Variants in ASB7 observed in about 807,000 individuals in gnomAD.
ASB7 encodes the protein ankyrin repeat and SOCS box protein 7.
A neutral mutation model predicts 32.5 loss-of-function variants in ASB7; 4 were observed. The observed-to-expected ratio is 0.12, with a 90% CI of 0.06 to 0.28. The LOEUF (loss-of-function observed/expected upper bound fraction) is 0.28, where lower values mean the gene tolerates loss of function less well. Ranked by LOEUF, ASB7 falls within the 10% of genes least tolerant of loss-of-function variation. ASB7 has a pLI of 1.00. For synonymous variants in ASB7, 172 were observed against 155.6 expected, an observed-to-expected ratio of 1.11 and a Z score of -0.78; for missense variants, 181 against 407.1, an observed-to-expected ratio of 0.44 and a Z score of 4.78.
At chr15:100,642,727 C>G (rs150335646) in intron 5 of ASB7, among the ~76,000 whole-genome samples, 1 of 152,246 alleles carries the variant, frequency 6.6e-6, no homozygotes, top group Admixed American at 6.5e-5. Flanking sequence ...ACTGGGGCCT[C>G]TCTGCTTTGA....
chr15:100,634,731 G>GAGGC (rs1237235467), intron 5 of ASB7, among the ~76,000 whole-genome samples: 1 of 152,162 alleles, frequency 6.6e-6, no homozygotes, highest in Non-Finnish European at 1.5e-5. Flanking sequence ...TTGAACCCGG[G>GAGGC]AGGCTGCAGT....
intron 5 of ASB7, among the ~76,000 whole-genome samples, chr15:100,630,555 A>T (rs2039875808): frequency 6.6e-6 from 1 of 152,196 alleles, no homozygotes; most frequent in Admixed American, 6.5e-5. Context: ...GTATTTAGGG[A>T]TACCACTCGT....
chr15:100,612,452 T>A, intron 4 of ASB7, 25 bp downstream of exon 4: 1 of 1,559,072 alleles, frequency 6.4e-7, no homozygotes, highest in East Asian at 2.2e-5. Flanking sequence ...AGCAAATCTT[T>A]TTCCCCATGG....
At chr15:100,648,243 A>G in intron 5 of ASB7, 80 bp from the exon 6 acceptor site, 2 of 1,402,274 alleles carry the variant, frequency 1.4e-6, no homozygotes, top group Non-Finnish European at 1.9e-6. Context: ...ACTTCCAGGG[A>G]AATGAACAGT....
At position 100,629,940 on chromosome 15, in the gene ASB7, G is replaced by A. The variant is rs762483895; in HGVS notation, c.715G>A (p.Asp239Asn). The part of the protein sequence containing the change: ...CARMLYNYGA[D>N]TNTRNYEGQT... ...ACGGATGTTATATAATTACGGAGCA[G>A]ACACGAACACACGGAACTATGAAGG... is the stretch of plus-strand genomic sequence containing the variant. The change falls in exon 5 of 6, where the codon GAC becomes AAC. Residue 239 changes from aspartate to asparagine, a missense_variant. Transcript: ENST00000332783. This position sits in a 1 kb window ranked among gnomAD's most constrained non-coding sequence, Gnocchi z 6.8. 1.1e-5 allele frequency: 17 copies of A among 1,614,066 alleles called. No homozygotes were observed. Among genetic ancestry groups the A allele is most frequent in the Non-Finnish European group, 1.4e-5 (17 of 1,180,056 alleles).
At chr15:100,623,161 G>A (rs987224203) in intron 4 of ASB7, among the ~76,000 whole-genome samples, 22 of 152,204 alleles carry the variant, frequency 1.4e-4, no homozygotes, top group Non-Finnish European at 2.9e-5. Flanking sequence ...CACTTTGGGA[G>A]GCTGAGGTGG....
At chr15:100,631,415 G>C (rs2039882750) in intron 5 of ASB7, among the ~76,000 whole-genome samples, 2 of 152,322 alleles carry the variant, frequency 1.3e-5, no homozygotes, top group South Asian at 4.1e-4. Flanking sequence ...GGGCTGACTG[G>C]TGGGTGTTCC....
At chr15:100,635,162 A>G (rs905542103) in intron 5 of ASB7, among the ~76,000 whole-genome samples, 1 of 152,198 alleles carries the variant, frequency 6.6e-6, no homozygotes, top group African/African-American at 2.4e-5. Flanking sequence ...CCCTTTGCCA[A>G]TGACACCCAC....
intron 5 of ASB7, among the ~76,000 whole-genome samples, chr15:100,632,856 CAA>C (rs779025596): frequency 3.1e-5 from 2 of 64,168 alleles, no homozygotes; most frequent in African/African-American, 6.7e-5. Context: ...CTATATAGTG[CAA>C]AAAAAAAAAA....
intron 5 of ASB7, among the ~76,000 whole-genome samples, chr15:100,645,232 T>C (rs2039989492): frequency 1.3e-5 from 2 of 152,322 alleles, no homozygotes; most frequent in Admixed American, 6.5e-5. Context: ...GTTTCTGTTT[T>C]ATAAACACGA....
chr15:100,641,417 C>T (rs905339576), intron 5 of ASB7, among the ~76,000 whole-genome samples: 2 of 152,178 alleles, frequency 1.3e-5, no homozygotes, highest in African/African-American at 4.8e-5. Context: ...CATAAGCAGT[C>T]CTTATTATGC....
At chr15:100,634,194 C>T (rs2141402753) in intron 5 of ASB7, among the ~76,000 whole-genome samples, 1 of 152,286 alleles carries the variant, frequency 6.6e-6, no homozygotes, top group South Asian at 2.1e-4. Context: ...ACAGGGTAAA[C>T]TCCCATAGTC....
At chr15:100,620,032 A>G (rs950114832) in intron 4 of ASB7, among the ~76,000 whole-genome samples, 3 of 152,202 alleles carry the variant, frequency 2.0e-5, no homozygotes, top group African/African-American at 4.8e-5. Flanking sequence ...CATGTTTTAA[A>G]TGGTTGCATG....
intron 5 of ASB7, 106 bp downstream of exon 5, chr15:100,630,148 A>G (rs1204812671): frequency 8.6e-6 from 12 of 1,399,188 alleles, no homozygotes; most frequent in Non-Finnish European, 7.4e-6. Flanking sequence ...AATCATTCCT[A>G]TAACCACTGC....
intron 2 of ASB7, among the ~76,000 whole-genome samples, chr15:100,605,875 T>C (rs1341868314): frequency 6.6e-6 from 1 of 152,258 alleles, no homozygotes. Context: ...ATGAAAATTA[T>C]TGGTTTCTCT....
At chr15:100,617,083 G>C (rs921632340) in intron 4 of ASB7, among the ~76,000 whole-genome samples, 1 of 152,016 alleles carries the variant, frequency 6.6e-6, no homozygotes, top group African/African-American at 2.4e-5. Context: ...TATTGATTCT[G>C]CCTCCTAAAA....
At chr15:100,618,329 G>A (rs1457468685) in intron 4 of ASB7, among the ~76,000 whole-genome samples, 1 of 151,854 alleles carries the variant, frequency 6.6e-6, no homozygotes, top group Non-Finnish European at 1.5e-5. Context: ...TGGCTAGGCT[G>A]GTCCCGAACT....
intron 5 of ASB7, chr15:100,646,530 CT>C (rs1429447349): frequency 4.7e-6 from 2 of 421,504 alleles, no homozygotes; most frequent in Non-Finnish European, 4.9e-6. Context: ...CATTTCTGCC[CT>C]TTAGTAATTA....
In ASB7 at chr15:100,602,810, C is replaced by G. The variant is rs2039563100; in HGVS notation, c.-509C>G. 2.5e-6 allele frequency: 1 copy of G among 392,192 alleles called. No individual in the cohort carries two copies. The highest frequency in any genetic ancestry group is 2.1e-5 in the African/African-American group (1 of 48,342). The allele number at this position is 392,192 out of a possible 1,614,324, so 24.3% of individuals were successfully genotyped here. A position where few individuals can be genotyped will look rare whatever the true frequency, so the allele number is the denominator to read the frequency against. On this transcript the variant is annotated 5_prime_UTR_variant, in exon 1 of 6. Transcript: ENST00000332783. ...CCTGGACCGGGACTGCCCCCCCACCCGAGCCAGGACTTCCTCCCTGCCTCC... is the reference window on the plus strand; with the variant it reads ...CCTGGACCGGGACTGCCCCCCCACCGGAGCCAGGACTTCCTCCCTGCCTCC...
Sources: gnomAD v4.1 joint callset for allele counts (sites outside exome capture counted in the v4.1 genomes callset) on GRCh38, gnomAD v4.1.1 for gene constraint, Gnocchi (gnomAD v3.1) non-coding constraint, MANE v1.5 for transcripts, NCBI Gene and HGNC (gene_info 2026-07-23, HGNC 2026-07-21) for gene names.